The following KIF11 variants were observed in gnomAD, a reference collection of about 807,000 sequenced individuals.
The protein encoded by KIF11 is kinesin family member 11.
KIF11 carries 9 observed loss-of-function variants against 121.0 expected under a neutral mutation model. That is an observed-to-expected ratio of 0.07 (90% confidence interval 0.04 to 0.13). The LOEUF is 0.13. Ranked by LOEUF, KIF11 falls within the 10% of genes least tolerant of loss-of-function variation. The pLI, the probability that KIF11 is intolerant of heterozygous loss-of-function variation, is 1.00. For missense variants in KIF11, 846 were observed against 1,217.5 expected, an observed-to-expected ratio of 0.69 and a Z score of 4.54; for synonymous variants, 408 against 421.0, an observed-to-expected ratio of 0.97 and a Z score of 0.38.
At chr10:92,600,620 G>A (rs1720516298) in intron 1 of KIF11, among the ~76,000 whole-genome samples, 1 of 151,710 alleles carries the variant, frequency 6.6e-6, no homozygotes, top group Non-Finnish European at 1.5e-5. Context: ...CGATTCTCCT[G>A]CCTCAGCCTC....
rs1387760116 is a variant in KIF11, at chr10:92,605,307, A to G, written c.78-958A>G. Among the ~76,000 whole-genome samples, 3 of 152,320 alleles carry G rather than the reference A, an allele frequency of 2.0e-5. No homozygotes were observed. In the East Asian group the frequency reaches 5.8e-4, roughly 29 times the overall value. On this transcript the variant is annotated intron_variant, in intron 1 of 21. Coordinates refer to ENST00000260731, the MANE Select transcript of KIF11 (RefSeq NM_004523.4). Reference sequence around the variant, plus strand: ...CAGTGTTGTGTGGACAAACTGAGTGAGCACAATGCAAAGCACTTGAAACAA... The same window carrying G: ...CAGTGTTGTGTGGACAAACTGAGTGGGCACAATGCAAAGCACTTGAAACAA...
intron 14 of KIF11, 61 bp from the exon 15 acceptor site, chr10:92,637,123 A>T: frequency 7.7e-7 from 1 of 1,304,356 alleles, no homozygotes; most frequent in Non-Finnish European, 1.0e-6. Flanking sequence ...TATCATTTAG[A>T]AAGGTTTACA....
intron 17 of KIF11, among the ~76,000 whole-genome samples, chr10:92,642,830 CTT>C (rs771920831): frequency 4.6e-5 from 7 of 152,116 alleles, no homozygotes. Flanking sequence ...TGGTCTAAGT[CTT>C]TATATTTAAA....
Position 92,606,380 on chromosome 10 carries a change from A to G in KIF11, c.193A>G (p.Thr65Ala), listed in dbSNP as rs200410468. The part of the protein sequence containing the change: ...GGLADKSSRK[T>A]YTFDMVFGAS... ...ATTGGCTGACAAGAGCTCAAGGAAA[A>G]CATACACTTTTGATATGGTAACATA... Residue 65 changes from threonine (T) to alanine (A), a missense_variant, in exon 2 of 22, where the codon ACA (threonine) becomes GCA (alanine). Physicochemically the swap from Thr to Ala is moderately conservative, Grantham distance 58. Transcript: ENST00000260731. 245 of 1,608,332 alleles carry G rather than the reference A, an allele frequency of 1.5e-4. No individual in the cohort carries two copies. In the Middle Eastern group the frequency reaches 5.6e-3, roughly 37 times the overall value.
At position 92,645,475 on chromosome 10, in the gene KIF11, G is replaced by A. The variant is rs763808439; in HGVS notation, c.2380G>A (p.Val794Ile). ...RNFNQEGTKLVEESVKHSDKL... is the reference protein window; with the variant it reads ...RNFNQEGTKLIEESVKHSDKL... ...TTTTAACCAAGAAGGTACAAAATTG[G>A]TTGAAGAATCTGTGAAACACTCTGA... is the stretch of plus-strand genomic sequence containing the variant. The change falls in exon 18 of 22, where the codon GTT (valine) becomes ATT (isoleucine). Residue 794 changes from valine (V) to isoleucine (I), a missense_variant. Val to Ile is a conservative substitution (Grantham distance 29, BLOSUM62 3). This residue lies in a region of KIF11 where 492 missense variants were observed against 603.4 expected (regional missense o/e 0.82). Coordinates refer to ENST00000260731, the MANE Select transcript of KIF11 (RefSeq NM_004523.4). 1 of 1,614,110 alleles carries A rather than the reference G, an allele frequency of 6.2e-7. No individual in the cohort carries two copies. The highest frequency in any genetic ancestry group is 8.5e-7 in the Non-Finnish European group (1 of 1,179,982).
At chr10:92,639,932 C>T (rs752475088) in intron 17 of KIF11, 32 bp downstream of exon 17, 3 of 1,125,552 alleles carry the variant, frequency 2.7e-6, no homozygotes, top group Non-Finnish European at 1.3e-6. Flanking sequence ...TTAAACTTTT[C>T]TGTAAGTCTG....
At chr10:92,641,945 T>G (rs1361054499) in intron 17 of KIF11, among the ~76,000 whole-genome samples, 1 of 152,218 alleles carries the variant, frequency 6.6e-6, no homozygotes, top group Non-Finnish European at 1.5e-5. Context: ...ACCCATTCAA[T>G]GAGGTGTTTT....
At chr10:92,639,260 G>A (rs1275314019) in intron 16 of KIF11, among the ~76,000 whole-genome samples, 1 of 152,168 alleles carries the variant, frequency 6.6e-6, no homozygotes, top group Non-Finnish European at 1.5e-5. Flanking sequence ...GTTACTTACA[G>A]CTAAAATAGT....
At chr10:92,608,971 C>A in intron 4 of KIF11, 49 bp from the exon 5 acceptor site, 1 of 1,056,306 alleles carries the variant, frequency 9.5e-7, no homozygotes, top group Non-Finnish European at 1.3e-6. Flanking sequence ...TTTTAACTGC[C>A]ACAGTAAATG....
chr10:92,647,594 T>G (rs1294316611), intron 18 of KIF11, among the ~76,000 whole-genome samples: 2 of 152,148 alleles, frequency 1.3e-5, no homozygotes, highest in Non-Finnish European at 2.9e-5. Context: ...TTTTTAGATG[T>G]GATAGTGGTC....
chr10:92,633,185 C>A (rs1295384137), intron 13 of KIF11, among the ~76,000 whole-genome samples: 1 of 151,968 alleles, frequency 6.6e-6, no homozygotes, highest in Non-Finnish European at 1.5e-5. Context: ...GTGTGAAATA[C>A]TATCCTCATT....
intron 16 of KIF11, among the ~76,000 whole-genome samples, chr10:92,638,259 A>G (rs1411943121): frequency 6.6e-6 from 1 of 152,194 alleles, no homozygotes; most frequent in Non-Finnish European, 1.5e-5. Context: ...TCCCATCAAT[A>G]TAGATATAAA....
Position 92,653,314 on chromosome 10 carries a change from CCT to C in KIF11, c.3040-350_3040-349del, listed in dbSNP as rs369536172. On this transcript the variant is annotated intron_variant, in intron 21 of 21. Transcript: ENST00000260731. ...TACTCACTCAAAGCCAGTAGCACTCCCTGATTGTAACACCAAAAAAGTCTCTC... is the reference window on the plus strand; with the variant it reads ...TACTCACTCAAAGCCAGTAGCACTCCGATTGTAACACCAAAAAAGTCTCTC... Among the ~76,000 whole-genome samples the C allele has an allele frequency of 2.6e-3, 390 of 152,290 alleles. 1 individual carries two copies. Among genetic ancestry groups the C allele is most frequent in the African/African-American group, 9.0e-3 (374 of 41,566 alleles).
At chr10:92,621,673 C>G (rs1363415075) in intron 10 of KIF11, among the ~76,000 whole-genome samples, 200 bp downstream of exon 10, 1 of 151,962 alleles carries the variant, frequency 6.6e-6, no homozygotes, top group Non-Finnish European at 1.5e-5. Flanking sequence ...ACAATCTTGG[C>G]TCACTACGTC....
intron 18 of KIF11, among the ~76,000 whole-genome samples, chr10:92,646,338 AC>A (rs1289274374): frequency 6.6e-6 from 1 of 152,216 alleles, no homozygotes; most frequent in Non-Finnish European, 1.5e-5. Flanking sequence ...ACTAAAGGAT[AC>A]TTGATAGGTT....
intron 12 of KIF11, 114 bp downstream of exon 12, chr10:92,630,478 A>G (rs1771746625): frequency 1.9e-6 from 1 of 539,038 alleles, no homozygotes; most frequent in Non-Finnish European, 3.1e-6. Flanking sequence ...ATTTCTGTCC[A>G]TTTAAAAAAC....
intron 3 of KIF11, 61 bp downstream of exon 3, chr10:92,606,777 GTTGT>G (rs1363744648): frequency 8.5e-5 from 78 of 917,828 alleles, no homozygotes; most frequent in African/African-American, 1.3e-4. Context: ...GTTTTTTGTT[GTTGT>G]TTGTTTGTTT....
intron 10 of KIF11, among the ~76,000 whole-genome samples, chr10:92,626,371 A>G (rs1294885662): frequency 6.6e-6 from 1 of 152,218 alleles, no homozygotes; most frequent in East Asian, 1.9e-4. Flanking sequence ...AGAATATTGA[A>G]ACTGGACCCC....
intron 14 of KIF11, 142 bp from the exon 15 acceptor site, chr10:92,637,032 CAAAAAAAAAA>C (rs66987236): frequency 6.1e-5 from 23 of 374,800 alleles, no homozygotes; most frequent in African/African-American, 4.5e-4. Context: ...GACTCCGTCT[CAAAAAAAAAA>C]AAAAAAAAAA....
Sources: allele counts gnomAD v4.1 joint callset (sites outside exome capture counted in the v4.1 genomes callset), GRCh38; gene constraint gnomAD v4.1.1; regional missense constraint gnomAD v4.1.1; transcripts MANE v1.5; gene names NCBI Gene and HGNC (gene_info 2026-07-23, HGNC 2026-07-21).